Variants in ZFHX3 observed in about 807,000 individuals in gnomAD.
ZFHX3 encodes the protein zinc finger homeobox 3.
ZFHX3 carries 42 observed loss-of-function variants against 279.1 expected under a neutral mutation model. The observed-to-expected ratio is 0.15, with a 90% CI of 0.12 to 0.19. ZFHX3 has a LOEUF of 0.19. ZFHX3 is among the 10% of genes least tolerant of loss of function. ZFHX3 has a pLI of 1.00. For synonymous variants in ZFHX3, 2,293 were observed against 1,957.8 expected, an observed-to-expected ratio of 1.17 and a Z score of -4.52; for missense variants, 4,981 against 4,754.0, an observed-to-expected ratio of 1.05 and a Z score of -1.40.
At chr16:73,713,436 C>T (rs537023443) in intron 1 of ZFHX3, among the ~76,000 whole-genome samples, 24 of 152,130 alleles carry the variant, frequency 1.6e-4, no homozygotes, top group African/African-American at 5.5e-4. Flanking sequence ...GCTATTTTTC[C>T]TCCTCCTCCT....
At chr16:73,451,832 C>T (rs2018285552) in intron 3 of ZFHX3, among the ~76,000 whole-genome samples, 1 of 152,112 alleles carries the variant, frequency 6.6e-6, no homozygotes, top group Non-Finnish European at 1.5e-5. Context: ...ATATTTTGAA[C>T]ATATTTTAGG....
At chr16:73,451,543 T>G (rs2018281676) in intron 3 of ZFHX3, among the ~76,000 whole-genome samples, 1 of 152,222 alleles carries the variant, frequency 6.6e-6, no homozygotes, top group African/African-American at 2.4e-5. Flanking sequence ...ATGAAGGCAT[T>G]CTTGTTCAAG....
In ZFHX3 at chr16:72,788,297, G is replaced by C. The variant is rs747529506; in HGVS notation, c.9979C>G (p.Leu3327Val). 2 of 1,614,216 alleles carry C rather than the reference G, an allele frequency of 1.2e-6. No homozygotes were observed. The highest frequency in any genetic ancestry group is 1.7e-6 in the Non-Finnish European group (2 of 1,180,038). Residue 3327 changes from leucine to valine, a missense_variant, in exon 10 of 10, where the codon CTG becomes GTG. Around this residue, in one of 7 missense-constraint regions of ZFHX3, gnomAD observed 1,034 missense variants for 786.0 expected, o/e 1.32. Transcript: ENST00000268489. The stretch of plus-strand genomic sequence containing the variant: ...ATAGGCTGCAGGTACCCGCTCTGCA[G>C]GGCGCCAGGGATCTGGGGAGCATAA... ...PYYAPQIPGA[L>V]QSGYLQPMYG...
chr16:72,957,705 T>C lies in ZFHX3; in HGVS notation c.2441A>G (p.Asn814Ser), dbSNP rs773082278. ...WRCEVCDYET[N>S]VARNLRIHMT... ...GTGAATGCGGAGGTTCCTGGCCACG[T>C]TGGTCTCATAATCACACACCTCGCA... Residue 814 changes from asparagine (N) to serine (S), a missense_variant, in exon 2 of 10, where the codon AAC (asparagine) becomes AGC (serine). By Grantham distance (46) the Asn-to-Ser change is conservative (BLOSUM62 1). Around this residue, in one of 7 missense-constraint regions of ZFHX3, gnomAD observed 1,751 missense variants for 1,770.0 expected, o/e 0.99. Transcript: ENST00000268489. The C allele has an allele frequency of 5.6e-6, 9 of 1,614,102 alleles. No individual in the cohort carries two copies. Among genetic ancestry groups the C allele is most frequent in the South Asian group, 3.3e-5 (3 of 91,070 alleles).
intron 4 of ZFHX3, among the ~76,000 whole-genome samples, chr16:73,267,779 G>T (rs1314970173): frequency 6.6e-6 from 1 of 152,106 alleles, no homozygotes; most frequent in Non-Finnish European, 1.5e-5. Flanking sequence ...ACTCAGCATT[G>T]CTGTTTCCAT....
intron 4 of ZFHX3, among the ~76,000 whole-genome samples, chr16:72,886,790 A>G (rs1445752070): frequency 6.6e-6 from 1 of 152,146 alleles, no homozygotes; most frequent in African/African-American, 2.4e-5. Context: ...AGAGGCCACA[A>G]TCCCTGGGTG....
intron 2 of ZFHX3, among the ~76,000 whole-genome samples, chr16:73,625,723 G>A (rs2052408779): frequency 6.6e-6 from 1 of 152,200 alleles, no homozygotes; most frequent in South Asian, 2.1e-4. Flanking sequence ...GATTCACTAG[G>A]TCCAGGGTGG....
At chr16:73,084,671 C>T (rs1198967434) in intron 8 of ZFHX3, among the ~76,000 whole-genome samples, 1 of 152,040 alleles carries the variant, frequency 6.6e-6, no homozygotes. Flanking sequence ...GTGCCTGCCA[C>T]CATGCCCGGC....
intron 1 of ZFHX3, among the ~76,000 whole-genome samples, chr16:73,774,040 G>C (rs1424190376): frequency 6.6e-6 from 1 of 152,064 alleles, no homozygotes; most frequent in African/African-American, 2.4e-5. Flanking sequence ...CGGGAGCTTA[G>C]GCAGGAGGAC....
rs398029895 is a variant in ZFHX3, at chr16:73,227,848, C to CAAAAAAA, written c.-1104+29192_-1104+29198dup. Among the ~76,000 whole-genome samples the CAAAAAAA allele has an allele frequency of 4.4e-3, 202 of 46,040 alleles. 15 individuals carry two copies. The highest frequency in any genetic ancestry group is 0.02 in the African/African-American group (189 of 9,442). The allele number at this position is 46,040 out of a possible 152,430, so 30.2% of individuals were successfully genotyped here. A position where few individuals can be genotyped will look rare whatever the true frequency, so the allele number is the denominator to read the frequency against. On this transcript the variant is annotated intron_variant, in intron 5 of 17. Coordinates refer to the ZFHX3 transcript ENST00000641206. ...TGAGCAACAGAGCAAGATTCTGTCT[C>CAAAAAAA]AAAAAAAAAAAAAAAAAAAAAAAAA...
chr16:73,476,168 A>G (rs1246737108), intron 2 of ZFHX3, among the ~76,000 whole-genome samples: 9 of 152,158 alleles, frequency 5.9e-5, no homozygotes, highest in Admixed American at 1.3e-4. Flanking sequence ...ATTTTAACAT[A>G]AAGTTTTTTT....
chr16:73,027,467 C>CT (rs1394543581), intron 1 of ZFHX3, among the ~76,000 whole-genome samples: 1 of 152,158 alleles, frequency 6.6e-6, no homozygotes, highest in Non-Finnish European at 1.5e-5. Flanking sequence ...AAAACAATGC[C>CT]TTTTTATGGG....
chr16:73,810,037 G>A (rs1164621451), intron 1 of ZFHX3, among the ~76,000 whole-genome samples: 3 of 152,110 alleles, frequency 2.0e-5, no homozygotes, highest in African/African-American at 7.2e-5. Context: ...GAATGTGAAC[G>A]TTGGTCACAT....
chr16:73,771,690 T>C (rs1482006826), intron 1 of ZFHX3, among the ~76,000 whole-genome samples: 2 of 152,134 alleles, frequency 1.3e-5, no homozygotes, highest in Non-Finnish European at 2.9e-5. Flanking sequence ...CTTCTGAATG[T>C]AGTGACAGGA....
rs1198969263 is a variant in ZFHX3 at position 72,945,521 on chromosome 16, T to C, written c.3216+4948A>G. Among the ~76,000 whole-genome samples the C allele has an allele frequency of 2.0e-5, 3 of 152,242 alleles. No homozygotes were observed. The East Asian group carries it at 5.8e-4, about 30-fold the overall frequency. On this transcript the variant is annotated intron_variant, in intron 3 of 9. Transcript: ENST00000268489. Reference sequence around the variant, plus strand: ...CAGCTGCTCCAGGAGAAGGAGGGCATGCAGGCGAAATCTGCTAAAATTCAC... The same window carrying C: ...CAGCTGCTCCAGGAGAAGGAGGGCACGCAGGCGAAATCTGCTAAAATTCAC...
At chr16:72,845,057 G>A (rs1201223933) in intron 4 of ZFHX3, among the ~76,000 whole-genome samples, 3 of 152,130 alleles carry the variant, frequency 2.0e-5, no homozygotes, top group Admixed American at 6.5e-5. Context: ...GGGAGGCCCC[G>A]GCAGGTTCCT....
chr16:73,189,849 T>A (rs1425540128), intron 5 of ZFHX3, among the ~76,000 whole-genome samples: 1 of 152,120 alleles, frequency 6.6e-6, no homozygotes, highest in Non-Finnish European at 1.5e-5. Flanking sequence ...ATCCTAGTGC[T>A]TTAGGAGGCT....
chr16:73,621,719 C>T (rs572202041), intron 2 of ZFHX3, among the ~76,000 whole-genome samples: 2 of 152,234 alleles, frequency 1.3e-5, no homozygotes, highest in South Asian at 4.1e-4. Flanking sequence ...TCTACAATAA[C>T]AAATTATTAG....
intron 8 of ZFHX3, among the ~76,000 whole-genome samples, chr16:73,071,650 G>A (rs1193715025): frequency 6.6e-6 from 1 of 152,250 alleles, no homozygotes; most frequent in African/African-American, 2.4e-5. Context: ...CCTATTTATA[G>A]GAAGAACCAG....
Sources: allele counts gnomAD v4.1 joint callset (sites outside exome capture counted in the v4.1 genomes callset), GRCh38; gene constraint gnomAD v4.1.1; regional missense constraint gnomAD v4.1.1; transcripts MANE v1.5; gene names NCBI Gene and HGNC (gene_info 2026-07-23, HGNC 2026-07-21).